Variants in G6PC3 observed in about 807,000 individuals in gnomAD.
The protein encoded by G6PC3 is glucose-6-phosphatase catalytic subunit 3.
Under a neutral mutation model 38.6 loss-of-function variants are expected in G6PC3, and 30 were observed. The observed-to-expected ratio is 0.78, with a 90% CI of 0.58 to 1.05. G6PC3 has a LOEUF of 1.05. Among genes scored for constraint, G6PC3 ranks in the 50% least tolerant of loss-of-function variants. The pLI is 0.00. For synonymous variants in G6PC3, 192 were observed against 178.1 expected (o/e 1.08, Z -0.62); for missense variants, 377 against 443.1 (o/e 0.85, Z 1.34).
In G6PC3 at chr17:44,076,163, T is replaced by A; in HGVS notation, c.*120T>A. On this transcript the variant is annotated 3_prime_UTR_variant, in exon 6 of 6. Transcript: ENST00000269097. ...AAGTAGGCCCTCCCCTCCCTAAATC[T>A]GCTTCCGCACCACCTGGTCTTAGCC... 7.6e-7 allele frequency: 1 copy of A among 1,311,240 alleles called. No homozygotes were observed. The highest frequency in any genetic ancestry group is 1.1e-6 in the Non-Finnish European group (1 of 919,042). 81.2% of individuals were successfully genotyped at this position (1,311,240 alleles called of 1,614,324 possible).
Position 44,071,040 on chromosome 17 carries a change from G to C in G6PC3, c.75G>C (p.Val25=). 6.3e-7 allele frequency: 1 copy of C among 1,598,542 alleles called. No homozygotes were observed. The highest frequency in any genetic ancestry group is 8.5e-7 in the Non-Finnish European group (1 of 1,172,022). ...ACCAGCTAGCCTGGCTGGAGAACGT[G>C]TGGCTCTGGATCACCTTTCTGGGCG... The part of the protein sequence containing the change: ...LQNQLAWLEN[V]WLWITFLGDP... The change falls in exon 1 of 6, where the codon GTG becomes GTC. Residue 25 remains valine (V), a synonymous_variant. Transcript: ENST00000269097.
rs1347384901 is a variant in G6PC3 at position 44,071,203 on chromosome 17, C to T, written c.218+20C>T. 3 of 1,608,456 alleles carry T rather than the reference C, an allele frequency of 1.9e-6. No homozygotes were observed. Among genetic ancestry groups the T allele is most frequent in the African/African-American group, 1.3e-5 (1 of 74,902 alleles). On this transcript the variant is annotated intron_variant, in intron 1 of 5. Transcript: ENST00000269097. ...CAAGTGGTGAGACAGAGAAGCCCTC[C>T]GGCATCCTGGTCCCCACCCCCGAGG...
rs765872526 is a variant in G6PC3, at chr17:44,075,826, G to A, written c.824G>A (p.Arg275Gln). The change falls in exon 6 of 6, where the codon CGG becomes CAG. Residue 275 changes from arginine (R) to glutamine (Q), a missense_variant. Coordinates refer to ENST00000269097, the MANE Select transcript of G6PC3 (RefSeq NM_138387.4). Reference protein sequence around the residue: ...LHSPCYAQVRRAQLGNGQKIA... With the variant: ...LHSPCYAQVRQAQLGNGQKIA... ...TCTCCCTGCTATGCCCAGGTGCGTC[G>A]GGCACAGCTGGGAAATGGCCAGAAG... The A allele has an allele frequency of 8.1e-6, 13 of 1,611,562 alleles. No homozygotes were observed. Among genetic ancestry groups the A allele is most frequent in the South Asian group, 3.3e-5 (3 of 91,082 alleles).
At chr17:44,075,195 G>GCC (rs140471596) in intron 4 of G6PC3, 108 bp downstream of exon 4, 1 of 1,513,568 alleles carries the variant, frequency 6.6e-7, no homozygotes, top group African/African-American at 1.4e-5. Flanking sequence ...CACCCCAGAG[G>GCC]CCCCCCGTTA....
chr17:44,072,058 T>C (rs1279521206), intron 1 of G6PC3: 2 of 235,646 alleles, frequency 8.5e-6, no homozygotes, highest in African/African-American at 4.5e-5. Flanking sequence ...ATAGGAGGTA[T>C]TTCAATGAGC....
intron 1 of G6PC3, 137 bp downstream of exon 1, chr17:44,071,320 T>A: frequency 2.1e-6 from 3 of 1,409,952 alleles, no homozygotes; most frequent in Non-Finnish European, 2.9e-6. Flanking sequence ...TTTTTTCCCC[T>A]TGAGCATCTT....
Position 44,074,411 on chromosome 17 carries a change from A to T in G6PC3, c.325+145A>T. On this transcript the variant is annotated intron_variant, in intron 2 of 5. Coordinates refer to ENST00000269097, the MANE Select transcript of G6PC3 (RefSeq NM_138387.4). Reference sequence around the variant, plus strand: ...AGAACAAAAGAACCCCAGGGAGACCAAGCTGAGTTATGGGAGGAGGGCACT... The same window carrying T: ...AGAACAAAAGAACCCCAGGGAGACCTAGCTGAGTTATGGGAGGAGGGCACT... The T allele has an allele frequency of 1.0e-5, 8 of 777,488 alleles. 1 individual carries two copies. In the South Asian group the frequency reaches 1.1e-4, roughly 11 times the overall value. The allele number at this position is 777,488 out of a possible 1,614,324, so 48.2% of individuals were successfully genotyped here.
rs889605875 is a variant in G6PC3 at position 44,076,014 on chromosome 17, C to T, written c.1012C>T (p.Gln338Ter). 13 of 1,613,122 alleles carry T rather than the reference C, an allele frequency of 8.1e-6. No individual in the cohort carries two copies. Among genetic ancestry groups the T allele is most frequent in the Non-Finnish European group, 1.0e-5 (12 of 1,180,014 alleles). Residue 338 changes from glutamine to a stop codon, truncating the protein, a stop_gained, in exon 6 of 6, where the codon CAG (glutamine) becomes TAG (stop). Transcript: ENST00000269097. LOFTEE classifies it high-confidence loss of function. The part of the protein sequence containing the change: ...VPWAVHMFSA[Q>*]EAPPIHSS ...CTGGGCAGTGCACATGTTCAGTGCCCAGGAAGCACCGCCCATCCACTCTTC... is the reference window on the plus strand; with the variant it reads ...CTGGGCAGTGCACATGTTCAGTGCCTAGGAAGCACCGCCCATCCACTCTTC...
intron 4 of G6PC3, 54 bp from the exon 5 acceptor site, chr17:44,075,256 G>A (rs2050067693): frequency 6.2e-7 from 1 of 1,610,154 alleles, no homozygotes; most frequent in Admixed American, 1.7e-5. Context: ...GGGTCGGGGT[G>A]GGGAGGGTCA....
chr17:44,075,134 G>A (rs374688781), intron 4 of G6PC3, 47 bp downstream of exon 4: 1 of 1,536,606 alleles, frequency 6.5e-7, no homozygotes, highest in Non-Finnish European at 9.0e-7. Context: ...GCCTTTGGCA[G>A]TGGGAGGATC....
In G6PC3 at chr17:44,074,284, T is replaced by C. The variant is rs1202988232; in HGVS notation, c.325+18T>C. ...TGGTCCAGGTGGGAAGCCTCAAACA[T>C]TCTCCCTTTCCCAATGTGGTTAGGG... On this transcript the variant is annotated intron_variant, in intron 2 of 5. Transcript: ENST00000269097. 2 of 1,557,104 alleles carry C rather than the reference T, an allele frequency of 1.3e-6. No homozygotes were observed. Among genetic ancestry groups the C allele is most frequent in the African/African-American group, 2.7e-5 (2 of 73,820 alleles).
At position 44,076,016 on chromosome 17, in the gene G6PC3, G is replaced by A. The variant is rs769341704; in HGVS notation, c.1014G>A (p.Gln338=). 4.3e-6 allele frequency: 7 copies of A among 1,612,980 alleles called. No homozygotes were observed. The South Asian group carries it at 4.4e-5, about 10-fold the overall frequency. ...GGGCAGTGCACATGTTCAGTGCCCAGGAAGCACCGCCCATCCACTCTTCCT... is the reference window on the plus strand; with the variant it reads ...GGGCAGTGCACATGTTCAGTGCCCAAGAAGCACCGCCCATCCACTCTTCCT... ...VPWAVHMFSA[Q]EAPPIHSS Residue 338 remains glutamine (Q), a synonymous_variant, in exon 6 of 6, where the codon CAG becomes CAA. Coordinates refer to ENST00000269097, the MANE Select transcript of G6PC3 (RefSeq NM_138387.4).
chr17:44,074,958 C>T lies in G6PC3; in HGVS notation c.417-11C>T, dbSNP rs1597909135. On this transcript the variant is annotated splice_polypyrimidine_tract_variant and intron_variant, in intron 3 of 5. Coordinates refer to ENST00000269097, the MANE Select transcript of G6PC3 (RefSeq NM_138387.4). The stretch of plus-strand genomic sequence containing the variant: ...GACACGCTCTGAGCTCCTTGCCTCT[C>T]TTCTTTCTAGCCGCTGGGTAAGGGT... 1 of 1,611,552 alleles carries T rather than the reference C, an allele frequency of 6.2e-7. No homozygotes were observed. Among genetic ancestry groups the T allele is most frequent in the Non-Finnish European group, 8.5e-7 (1 of 1,177,590 alleles).
At position 44,072,325 on chromosome 17, in the gene G6PC3, C is replaced by CT. The variant is rs34884597; in HGVS notation, c.218+1164dup. 460 of 98,730 alleles carry CT rather than the reference C, an allele frequency of 4.7e-3. 4 individuals are homozygous for CT. The highest frequency in any genetic ancestry group is 7.4e-3 in the Middle Eastern group (1 of 136). The allele number at this position is 98,730 out of a possible 1,614,324, so 6.1% of individuals were successfully genotyped here. A position where few individuals can be genotyped will look rare whatever the true frequency, so the allele number is the denominator to read the frequency against. On this transcript the variant is annotated intron_variant, in intron 1 of 5. Transcript: ENST00000269097. ...AAGTCCCTATTCATTTTCATTTTCT[C>CT]TTTTTTTTTTTTTTTTTTTTTTGAG...
chr17:44,073,821 T>C (rs1206774862), intron 1 of G6PC3: 1 of 338,208 alleles, frequency 3.0e-6, no homozygotes, highest in African/African-American at 2.1e-5. Context: ...CATGAACTCC[T>C]GGCTTCAAGT....
intron 4 of G6PC3, 74 bp from the exon 5 acceptor site, chr17:44,075,236 C>G: frequency 6.3e-7 from 1 of 1,579,884 alleles, no homozygotes; most frequent in Non-Finnish European, 8.7e-7. Context: ...CCAAGCTGCA[C>G]TGCAGCTGGG....
At position 44,075,318 on chromosome 17, in the gene G6PC3, C is replaced by T. The variant is rs202068489; in HGVS notation, c.544C>T (p.Leu182=). The part of the protein sequence containing the change: ...VLAGLITGAV[L]GWLMTPRVPM... ...TCACTCCACTCTCCTAGGCGCTGTC[C>T]TGGGCTGGCTGATGACTCCCCGAGT... Residue 182 remains leucine, a synonymous_variant, in exon 5 of 6, where the codon CTG becomes TTG. Coordinates refer to ENST00000269097, the MANE Select transcript of G6PC3 (RefSeq NM_138387.4). The T allele has an allele frequency of 1.4e-5, 23 of 1,614,186 alleles. No homozygotes were observed. In the East Asian group the frequency reaches 4.9e-4, roughly 34 times the overall value.
chr17:44,074,586 A>C (rs2050039895), intron 2 of G6PC3, 94 bp from the exon 3 acceptor site: 4 of 1,055,180 alleles, frequency 3.8e-6, no homozygotes, highest in Non-Finnish European at 2.9e-6. Flanking sequence ...AGCTCTTCTC[A>C]GCCAGGAAAG....
chr17:44,071,252 G>C (rs746408227), intron 1 of G6PC3, 69 bp downstream of exon 1: 1 of 1,566,526 alleles, frequency 6.4e-7, no homozygotes. Flanking sequence ...TGTAAGCCCT[G>C]GTCTCTTTCA....
Sources: allele counts gnomAD v4.1 joint callset, GRCh38; gene constraint gnomAD v4.1.1; transcripts MANE v1.5; gene names NCBI Gene and HGNC (gene_info 2026-07-23, HGNC 2026-07-21).